Variants in SYTL5 observed in about 807,000 individuals in gnomAD.
The protein encoded by SYTL5 is synaptotagmin like 5, also known as synaptotagmin-like protein 5.
In SYTL5, 34 loss-of-function variants were observed where a neutral mutation model predicts 55.9. The ratio of observed to expected loss-of-function variants is 0.61; its 90% confidence interval spans 0.46 to 0.81. SYTL5 has a LOEUF of 0.81. SYTL5 is among the 30% of genes least tolerant of loss of function. The pLI is 0.00. For missense variants in SYTL5, 637 were observed against 546.7 expected, an observed-to-expected ratio of 1.17 and a Z score of -1.65; for synonymous variants, 221 against 188.7, an observed-to-expected ratio of 1.17 and a Z score of -1.40.
intron 7 of SYTL5, 51 bp downstream of exon 7, chrX:38,089,638 A>G: frequency 8.9e-7 from 1 of 1,121,790 alleles, no homozygotes; most frequent in Admixed American, 2.5e-5. Flanking sequence ...TCACACTGCT[A>G]TAAAGAACTG....
chrX:37,975,881 G>A, the SYTL5 span, among the ~76,000 whole-genome samples: 12 of 111,083 alleles, frequency 1.1e-4, no homozygotes, highest in African/African-American at 1.6e-4. Context: ...TTTAGATATC[G>A]GTACATTTTA....
intron 1 of SYTL5, among the ~76,000 whole-genome samples, chrX:38,015,111 A>G (rs868322938): frequency 8.9e-6 from 1 of 112,319 alleles, no homozygotes; most frequent in African/African-American, 3.2e-5. Context: ...TGAAACTTGT[A>G]TATAAGTGCT....
chrX:38,075,613 A>G (rs1419116642), intron 5 of SYTL5, among the ~76,000 whole-genome samples: 3 of 111,676 alleles, frequency 2.7e-5, no homozygotes, highest in African/African-American at 6.5e-5. Context: ...TCAGAGCAGC[A>G]TACCTTGACA....
the SYTL5 span, chrX:37,991,240 G>A: frequency 1.7e-6 from 2 of 1,163,898 alleles, no homozygotes; most frequent in Non-Finnish European, 2.3e-6. Flanking sequence ...GCTTAGCCAG[G>A]GCAAAAATGT....
chrX:37,895,504 C>A, the SYTL5 span, among the ~76,000 whole-genome samples: 1 of 44,967 alleles, frequency 2.2e-5, no homozygotes, highest in African/African-American at 1.7e-4. Flanking sequence ...TTCTTTCTTT[C>A]TTTTTCTTTT....
chrX:37,939,588 T>G, the SYTL5 span: 1 of 112,407 alleles, frequency 8.9e-6, no homozygotes, highest in South Asian at 3.7e-4. Flanking sequence ...CTAGGTGCAC[T>G]GGCTGAGCGC....
intron 5 of SYTL5, 31 bp downstream of exon 5, chrX:38,073,729 G>T (rs369943498): frequency 9.7e-5 from 100 of 1,035,809 alleles, no homozygotes; most frequent in Middle Eastern, 5.1e-4. Context: ...GGGAATTTTT[G>T]ATCTTTATTC....
the SYTL5 span, among the ~76,000 whole-genome samples, chrX:37,992,360 T>C: frequency 8.8e-6 from 1 of 113,162 alleles, no homozygotes; most frequent in Admixed American, 9.3e-5. Context: ...GTCTGCTGCC[T>C]GCTGGCCTTT....
upstream of SYTL5, among the ~76,000 whole-genome samples, chrX:38,002,126 T>A (rs1392644506): frequency 2.7e-5 from 3 of 110,925 alleles, no homozygotes; most frequent in Admixed American, 9.6e-5. Flanking sequence ...TTTGGTTTTT[T>A]GTCCTTGCAA....
chrX:38,124,068 T>C (rs1937601490), intron 15 of SYTL5, among the ~76,000 whole-genome samples: 2 of 111,436 alleles, frequency 1.8e-5, no homozygotes, highest in African/African-American at 6.5e-5. Context: ...GGACCCAGGA[T>C]TTTTCCATCT....
intron 1 of SYTL5, among the ~76,000 whole-genome samples, chrX:38,029,852 A>T (rs769419024): frequency 3.6e-5 from 4 of 111,396 alleles, no homozygotes; most frequent in East Asian, 2.8e-4. Flanking sequence ...AAAATATCTC[A>T]CACACACACA....
chrX:37,923,372 A>G, the SYTL5 span, among the ~76,000 whole-genome samples: 1 of 111,505 alleles, frequency 9.0e-6, no homozygotes, highest in Non-Finnish European at 1.9e-5. Flanking sequence ...AGATGCCCTT[A>G]AGTAGTGTTT....
intron 13 of SYTL5, among the ~76,000 whole-genome samples, chrX:38,113,086 T>C (rs766514006): frequency 8.9e-6 from 1 of 112,211 alleles, no homozygotes; most frequent in Non-Finnish European, 1.9e-5. Context: ...GATCCTACAG[T>C]GCTAAGCCAG....
chrX:37,892,447 C>A, the SYTL5 span, among the ~76,000 whole-genome samples: 5 of 101,511 alleles, frequency 4.9e-5, no homozygotes, highest in African/African-American at 1.8e-4. Context: ...GTTTGAATAA[C>A]ACCTTTGACA....
intron 5 of SYTL5, 61 bp downstream of exon 5, chrX:38,073,759 G>A: frequency 1.2e-6 from 1 of 832,560 alleles, no homozygotes; most frequent in Non-Finnish European, 1.7e-6. Flanking sequence ...CTGAAATGAA[G>A]ACTCCTTAAT....
At chrX:38,072,475 A>G (rs774090446) in intron 4 of SYTL5, among the ~76,000 whole-genome samples, 8 of 112,852 alleles carry the variant, frequency 7.1e-5, no homozygotes, top group African/African-American at 2.6e-4. Context: ...AAGTAACATA[A>G]AACAGATGAA....
At chrX:37,943,303 A>C in the SYTL5 span, among the ~76,000 whole-genome samples, 1 of 111,909 alleles carries the variant, frequency 8.9e-6, no homozygotes, top group Non-Finnish European at 1.9e-5. Context: ...AAAATGTTTA[A>C]GGACTCTTGC....
chrX:37,967,885 G>A, the SYTL5 span, among the ~76,000 whole-genome samples: 2 of 107,522 alleles, frequency 1.9e-5, no homozygotes, highest in African/African-American at 6.8e-5. Context: ...ATAGGCATGA[G>A]TCACTGCACC....
chrX:37,993,121 G>A, the SYTL5 span, among the ~76,000 whole-genome samples: 1 of 111,976 alleles, frequency 8.9e-6, no homozygotes, highest in Non-Finnish European at 1.9e-5. Context: ...TTACACAACA[G>A]AGACTGTATT....
Sources: allele counts gnomAD v4.1 joint callset (sites outside exome capture counted in the v4.1 genomes callset), GRCh38; gene constraint gnomAD v4.1.1; transcripts MANE v1.5; gene names NCBI Gene and HGNC (gene_info 2026-07-23, HGNC 2026-07-21).